The following NKAIN2 variants were observed in gnomAD, a reference collection of about 807,000 sequenced individuals.
The protein encoded by NKAIN2 is sodium/potassium transporting ATPase interacting 2.
Under a neutral mutation model 32.6 loss-of-function variants are expected in NKAIN2, and 14 were observed. That is an observed-to-expected ratio of 0.43 (90% CI 0.28 to 0.67). The LOEUF is 0.67. Ranked by LOEUF, NKAIN2 falls within the 30% of genes least tolerant of loss-of-function variation. NKAIN2 has a pLI of 0.17. For missense variants in NKAIN2, 198 were observed against 258.3 expected (o/e 0.77, Z 1.60); for synonymous variants, 80 against 87.2 (o/e 0.92, Z 0.46).
intron 5 of NKAIN2, among the ~76,000 whole-genome samples, chr6:124,805,903 A>T (rs1780527325): frequency 4.6e-5 from 7 of 152,236 alleles, no homozygotes; most frequent in Admixed American, 4.6e-4. Flanking sequence ...TGGAAGATGA[A>T]ATGAATGAAA....
At chr6:123,868,026 A>G (rs9482479) in intron 1 of NKAIN2, among the ~76,000 whole-genome samples, 3,499 of 151,544 alleles carry the variant, frequency 0.023, 89 homozygotes, top group African/African-American at 0.063. Context: ...ACACCACCAC[A>G]CCCGGCTAAT....
At chr6:124,483,065 T>G (rs77116673) in intron 3 of NKAIN2, among the ~76,000 whole-genome samples, 1 of 145,216 alleles carries the variant, frequency 6.9e-6, no homozygotes, top group Non-Finnish European at 1.6e-5. Context: ...GAGCTTGCAG[T>G]GAGCCGAGAT....
At chr6:123,845,371 G>T (rs1261533740) in intron 1 of NKAIN2, among the ~76,000 whole-genome samples, 2 of 152,176 alleles carry the variant, frequency 1.3e-5, no homozygotes, top group Non-Finnish European at 2.9e-5. Flanking sequence ...TAGACATGCA[G>T]TCATCAAAAA....
At chr6:124,317,504 TA>T (rs1490307709) in intron 2 of NKAIN2, among the ~76,000 whole-genome samples, 1 of 152,120 alleles carries the variant, frequency 6.6e-6, no homozygotes, top group Non-Finnish European at 1.5e-5. Context: ...TAGTATTGTG[TA>T]AAGCAGGGTG....
chr6:124,048,442 T>A (rs1402469123), intron 1 of NKAIN2, among the ~76,000 whole-genome samples: 1 of 152,060 alleles, frequency 6.6e-6, no homozygotes, highest in Non-Finnish European at 1.5e-5. Flanking sequence ...ATGCTTTGTG[T>A]GTGCACAATT....
At chr6:124,120,399 T>C (rs187578164) in intron 1 of NKAIN2, among the ~76,000 whole-genome samples, 1 of 152,286 alleles carries the variant, frequency 6.6e-6, no homozygotes, top group Admixed American at 6.5e-5. Flanking sequence ...ATAATAATAG[T>C]ATCAAGAGTA....
chr6:124,822,971 A>G (rs1781452573), intron 6 of NKAIN2, among the ~76,000 whole-genome samples: 1 of 152,196 alleles, frequency 6.6e-6, no homozygotes, highest in South Asian at 2.1e-4. Flanking sequence ...GCCTAATTGT[A>G]CAGAAGTACA....
intron 1 of NKAIN2, among the ~76,000 whole-genome samples, chr6:124,269,537 G>A (rs769680175): frequency 6.7e-6 from 1 of 148,408 alleles, no homozygotes; most frequent in Non-Finnish European, 1.5e-5. Flanking sequence ...GTGCGAACTC[G>A]GCTCACTGAA....
At chr6:124,221,215 A>C (rs1230703385) in intron 1 of NKAIN2, among the ~76,000 whole-genome samples, 1 of 152,028 alleles carries the variant, frequency 6.6e-6, no homozygotes, top group Admixed American at 6.6e-5. Context: ...ACCATGGAAT[A>C]CTATGCAGCC....
chr6:124,621,187 A>G (rs1783094737), intron 3 of NKAIN2, among the ~76,000 whole-genome samples: 1 of 152,182 alleles, frequency 6.6e-6, no homozygotes, highest in South Asian at 2.1e-4. Context: ...CATGTATCCA[A>G]GGTAGAAAAA....
chr6:124,148,421 A>G (rs1052914025), intron 1 of NKAIN2, among the ~76,000 whole-genome samples: 1 of 151,722 alleles, frequency 6.6e-6, no homozygotes, highest in African/African-American at 2.4e-5. Flanking sequence ...CCCCCGACCA[A>G]CCCCTGGCAA....
chr6:124,644,659 C>G (rs542771648), intron 3 of NKAIN2, among the ~76,000 whole-genome samples: 3 of 152,016 alleles, frequency 2.0e-5, no homozygotes, highest in African/African-American at 7.3e-5. Flanking sequence ...CTGCCTCGGC[C>G]CCCCCAAAGT....
intron 6 of NKAIN2, among the ~76,000 whole-genome samples, chr6:124,821,839 A>G (rs1054336118): frequency 6.6e-6 from 1 of 152,216 alleles, no homozygotes; most frequent in Non-Finnish European, 1.5e-5. Flanking sequence ...CTCGGATCCT[A>G]GAACAGTAAG....
chr6:124,679,383 C>T (rs989119990), intron 4 of NKAIN2, among the ~76,000 whole-genome samples: 3 of 152,150 alleles, frequency 2.0e-5, no homozygotes, highest in Non-Finnish European at 4.4e-5. Context: ...GTGCCTTGGG[C>T]AGCCCTCCAA....
chr6:124,768,467 G>A (rs1355077896), intron 4 of NKAIN2, among the ~76,000 whole-genome samples: 1 of 152,120 alleles, frequency 6.6e-6, no homozygotes, highest in Non-Finnish European at 1.5e-5. Flanking sequence ...TGGCCATTCT[G>A]TGAAATATCC....
chr6:124,748,853 T>TG (rs1554260595), intron 4 of NKAIN2, among the ~76,000 whole-genome samples: 3 of 148,340 alleles, frequency 2.0e-5, no homozygotes, highest in African/African-American at 7.4e-5. Context: ...ACTTCTAATT[T>TG]AAAAAAAAAA....
chr6:124,703,528 C>T (rs1774903112), intron 4 of NKAIN2, among the ~76,000 whole-genome samples: 1 of 151,908 alleles, frequency 6.6e-6, no homozygotes, highest in Non-Finnish European at 1.5e-5. Flanking sequence ...TTCAACTGTA[C>T]TTTTTAGTCT....
chr6:124,021,882 G>A (rs1220675894), intron 1 of NKAIN2, among the ~76,000 whole-genome samples: 1 of 151,912 alleles, frequency 6.6e-6, no homozygotes, highest in East Asian at 1.9e-4. Flanking sequence ...CTAGGCATTT[G>A]GTAATCATAC....
intron 4 of NKAIN2, among the ~76,000 whole-genome samples, chr6:124,715,231 C>G (rs897451627): frequency 2.0e-5 from 3 of 152,204 alleles, no homozygotes; most frequent in African/African-American, 7.2e-5. Flanking sequence ...TGGAATCTCC[C>G]TTCATGCTCC....
Sources: allele counts gnomAD v4.1 joint callset (sites outside exome capture counted in the v4.1 genomes callset), GRCh38; gene constraint gnomAD v4.1.1; transcripts MANE v1.5; gene names NCBI Gene and HGNC (gene_info 2026-07-23, HGNC 2026-07-21).